OR7E24: variants seen among roughly 807,000 people sequenced by gnomAD.
The protein encoded by OR7E24 is olfactory receptor 7E24.
For synonymous variants in OR7E24, 130 were observed against 157.5 expected (o/e 0.83, Z 1.31); for missense variants, 385 against 410.3 (o/e 0.94, Z 0.53).
chr19:9,221,215 T>C, the OR7E24 span, among the ~76,000 whole-genome samples: 3 of 148,450 alleles, frequency 2.0e-5, no homozygotes, highest in East Asian at 2.0e-4. Context: ...GAGCTTGCAG[T>C]GAGCCGAGAT....
chr19:9,250,082 A>G (rs992986769), upstream of OR7E24, among the ~76,000 whole-genome samples: 1 of 152,202 alleles, frequency 6.6e-6, no homozygotes, highest in Non-Finnish European at 1.5e-5. Flanking sequence ...GCATTTAACT[A>G]AACCTTCCTT....
At chr19:9,216,385 A>G in the OR7E24 span, among the ~76,000 whole-genome samples, 1 of 152,132 alleles carries the variant, frequency 6.6e-6, no homozygotes, top group Non-Finnish European at 1.5e-5. Context: ...CAGCCAAACT[A>G]TGTGAATCCA....
chr19:9,241,281 T>C, the OR7E24 span, among the ~76,000 whole-genome samples: 1 of 152,164 alleles, frequency 6.6e-6, no homozygotes, highest in African/African-American at 2.4e-5. Context: ...AGCCTAGGGT[T>C]CAATCTGTCT....
the OR7E24 span, among the ~76,000 whole-genome samples, chr19:9,236,370 C>T: frequency 6.6e-6 from 1 of 151,880 alleles, no homozygotes; most frequent in Non-Finnish European, 1.5e-5. Context: ...ATTAGCTGGG[C>T]GTGGTGGCAC....
chr19:9,211,320 T>C, the OR7E24 span: 4 of 152,212 alleles, frequency 2.6e-5, no homozygotes, highest in Non-Finnish European at 5.9e-5. Context: ...CTGATTGCAG[T>C]CTTGTTAGAT....
chr19:9,207,253 C>A, the OR7E24 span: 1 of 152,176 alleles, frequency 6.6e-6, no homozygotes, highest in Non-Finnish European at 1.5e-5. Context: ...GTAACAACAT[C>A]CCTAAAACTT....
upstream of OR7E24, chr19:9,247,470 G>C (rs116860330): frequency 2.5e-6 from 1 of 398,660 alleles, no homozygotes; most frequent in Non-Finnish European, 4.4e-6. Flanking sequence ...GGAGGACAGC[G>C]GACCTACTCT....
At chr19:9,218,245 A>G in the OR7E24 span, among the ~76,000 whole-genome samples, 3 of 149,242 alleles carry the variant, frequency 2.0e-5, no homozygotes, top group African/African-American at 5.1e-5. Context: ...TTGAATATAG[A>G]CATAAATTTA....
the OR7E24 span, among the ~76,000 whole-genome samples, chr19:9,225,422 G>A: frequency 1.4e-5 from 2 of 146,812 alleles, no homozygotes; most frequent in African/African-American, 2.5e-5. Context: ...GGGAAGGAAG[G>A]GAAGGAAGCG....
At chr19:9,210,050 C>T in the OR7E24 span, 1 of 152,148 alleles carries the variant, frequency 6.6e-6, no homozygotes, top group Admixed American at 6.6e-5. Flanking sequence ...CTGATTAGAA[C>T]ACTATTTTTG....
rs767675748 is a variant in OR7E24 at position 9,251,346 on chromosome 19, G to A, written c.303G>A (p.Val101=). The A allele has an allele frequency of 6.8e-6, 11 of 1,613,864 alleles. No homozygotes were observed. Among genetic ancestry groups the A allele is most frequent in the Middle Eastern group, 1.6e-4 (1 of 6,084 alleles). The change falls in exon 1 of 1, where the codon GTG becomes GTA. Residue 101 remains valine (V), a synonymous_variant. Coordinates refer to ENST00000456448, the MANE Select transcript of OR7E24 (RefSeq NM_001079935.2). Reference sequence around the variant, plus strand: ...CCACCACGGTCCCCAAGATGATTGTGGACATGCAAACTCACAGCAGAGTCA... The same window carrying A: ...CCACCACGGTCCCCAAGATGATTGTAGACATGCAAACTCACAGCAGAGTCA... ...FTSTTVPKMI[V]DMQTHSRVIS...
At chr19:9,230,044 GTATT>G in the OR7E24 span, among the ~76,000 whole-genome samples, 1 of 124,388 alleles carries the variant, frequency 8.0e-6, no homozygotes, top group Non-Finnish European at 1.6e-5. Flanking sequence ...TGAAGTTCCT[GTATT>G]TTTTTTTTTT....
the OR7E24 span, chr19:9,236,141 G>A: frequency 7.1e-6 from 6 of 844,086 alleles, no homozygotes; most frequent in Admixed American, 6.7e-5. Flanking sequence ...ATGTGAATGC[G>A]CATATCCTAG....
chr19:9,215,040 A>T, the OR7E24 span, among the ~76,000 whole-genome samples: 1 of 152,038 alleles, frequency 6.6e-6, no homozygotes, highest in Non-Finnish European at 1.5e-5. Context: ...GCCATTCTTT[A>T]ATTTTTAGAA....
chr19:9,246,606 G>A (rs1051258663), upstream of OR7E24, among the ~76,000 whole-genome samples: 3 of 151,580 alleles, frequency 2.0e-5, no homozygotes, highest in Admixed American at 2.0e-4. Flanking sequence ...CGACACAAGC[G>A]TCCACCAACA....
upstream of OR7E24, among the ~76,000 whole-genome samples, chr19:9,246,466 T>TGGGGTG (rs1555720675): frequency 6.9e-5 from 9 of 130,986 alleles, no homozygotes; most frequent in Admixed American, 3.1e-4. Context: ...CTTAAAGGTA[T>TGGGGTG]TGTGTGTGTG....
At chr19:9,229,662 G>A in the OR7E24 span, among the ~76,000 whole-genome samples, 3 of 152,212 alleles carry the variant, frequency 2.0e-5, no homozygotes, top group South Asian at 6.2e-4. Flanking sequence ...TCCCACTACC[G>A]CTGCAAAATT....
chr19:9,228,396 C>T, the OR7E24 span, among the ~76,000 whole-genome samples: 7 of 152,124 alleles, frequency 4.6e-5, no homozygotes, highest in Admixed American at 2.0e-4. Flanking sequence ...CCCCTATTGT[C>T]CAGTTAAAAA....
At chr19:9,242,552 G>C (rs935394158), upstream of OR7E24, among the ~76,000 whole-genome samples, 27 of 152,132 alleles carry the variant, frequency 1.8e-4, no homozygotes, top group Non-Finnish European at 3.2e-4. Flanking sequence ...AGTTGGCCCT[G>C]AAAACATTTC....
Sources: gnomAD v4.1 joint callset for allele counts (sites outside exome capture counted in the v4.1 genomes callset) on GRCh38, gnomAD v4.1.1 for gene constraint, MANE v1.5 for transcripts, NCBI Gene and HGNC (gene_info 2026-07-23, HGNC 2026-07-21) for gene names.